NUBPL: variants seen among roughly 807,000 people sequenced by gnomAD.
The protein encoded by NUBPL is iron-sulfur cluster transfer protein NUBPL.
A neutral mutation model predicts 45.7 loss-of-function variants in NUBPL; 31 were observed. The observed-to-expected ratio is 0.68, with a 90% confidence interval of 0.51 to 0.92. NUBPL has a LOEUF of 0.92. NUBPL is among the 40% of genes least tolerant of loss of function. The pLI is 0.00. For missense variants in NUBPL, 401 were observed against 398.7 expected (o/e 1.01, Z -0.05); for synonymous variants, 144 against 140.9 (o/e 1.02, Z -0.15).
intron 10 of NUBPL, among the ~76,000 whole-genome samples, chr14:31,858,589 A>G (rs2040661693): frequency 6.6e-6 from 1 of 152,010 alleles, no homozygotes; most frequent in South Asian, 2.1e-4. Flanking sequence ...TGGAACTAGG[A>G]TTTTTTGCAT....
intron 7 of NUBPL, among the ~76,000 whole-genome samples, chr14:31,801,954 C>T (rs1378773968): frequency 6.6e-6 from 1 of 152,152 alleles, no homozygotes; most frequent in Non-Finnish European, 1.5e-5. Flanking sequence ...TTCATGGGCT[C>T]AAGAAAAGTT....
chr14:31,656,707 A>G (rs2036149402), intron 4 of NUBPL, among the ~76,000 whole-genome samples: 1 of 152,186 alleles, frequency 6.6e-6, no homozygotes, highest in African/African-American at 2.4e-5. Flanking sequence ...TACAGTAGTA[A>G]CATCAAATAT....
intron 4 of NUBPL, among the ~76,000 whole-genome samples, chr14:31,607,332 G>A (rs530218036): frequency 4.0e-4 from 61 of 151,570 alleles, no homozygotes; most frequent in East Asian, 7.8e-4. Flanking sequence ...GCAGTGAGCC[G>A]AGATCGTGCC....
intron 6 of NUBPL, among the ~76,000 whole-genome samples, chr14:31,702,859 A>G (rs1204482340): frequency 6.6e-6 from 1 of 152,228 alleles, no homozygotes. Flanking sequence ...CCATTCTCCT[A>G]AACCTAAACA....
At chr14:31,711,602 C>T (rs1391059617) in intron 6 of NUBPL, among the ~76,000 whole-genome samples, 2 of 152,072 alleles carry the variant, frequency 1.3e-5, no homozygotes, top group Non-Finnish European at 2.9e-5. Flanking sequence ...GCCGCAGACC[C>T]TCACGGTGAG....
chr14:31,675,778 G>C (rs1183635782), intron 6 of NUBPL, among the ~76,000 whole-genome samples: 1 of 152,054 alleles, frequency 6.6e-6, no homozygotes, highest in Non-Finnish European at 1.5e-5. Context: ...ATACTTTGTT[G>C]AGCTAAAATT....
At chr14:31,855,757 A>G (rs1389983172) in intron 10 of NUBPL, among the ~76,000 whole-genome samples, 1 of 152,170 alleles carries the variant, frequency 6.6e-6, no homozygotes, top group Non-Finnish European at 1.5e-5. Flanking sequence ...AAAGCACTTC[A>G]TCAAGTCAGG....
intron 6 of NUBPL, among the ~76,000 whole-genome samples, chr14:31,752,231 G>A (rs906392345): frequency 3.3e-5 from 5 of 152,116 alleles, no homozygotes; most frequent in African/African-American, 4.8e-5. Context: ...TTTCTTTTCT[G>A]TCACATCATC....
rs188186996 is a variant in NUBPL at position 31,748,104 on chromosome 14, A to G, written c.514-39676A>G. 1.2e-4 allele frequency among the ~76,000 whole-genome samples: 18 copies of G among 152,206 alleles called. 1 individual carries two copies. The East Asian group carries it at 3.5e-3, about 29-fold the overall frequency. On this transcript the variant is annotated intron_variant, in intron 6 of 10. Transcript: ENST00000281081. ...TGTTTAATTTCCCTGTATTTGTACT[A>G]TTTCCAAAGTTCCTCTTGGTATTGA...
chr14:31,711,219 G>A (rs1396945230), intron 6 of NUBPL, among the ~76,000 whole-genome samples: 3 of 152,034 alleles, frequency 2.0e-5, no homozygotes, highest in East Asian at 1.9e-4. Context: ...CCCTTGGCTC[G>A]GCCCAGAAGT....
intron 6 of NUBPL, among the ~76,000 whole-genome samples, chr14:31,705,336 G>A (rs559142588): frequency 2.6e-5 from 4 of 152,352 alleles, no homozygotes; most frequent in Admixed American, 6.5e-5. Context: ...CTTCCACAGC[G>A]TGGAAGGGGA....
At chr14:31,798,005 G>T (rs925014138) in intron 7 of NUBPL, among the ~76,000 whole-genome samples, 64 of 147,590 alleles carry the variant, frequency 4.3e-4, no homozygotes, top group Admixed American at 1.1e-3. Context: ...GCTTAGTTTG[G>T]CTGGATATGA....
At chr14:31,670,046 G>A (rs2036535757) in intron 4 of NUBPL, among the ~76,000 whole-genome samples, 1 of 152,030 alleles carries the variant, frequency 6.6e-6, no homozygotes, top group Non-Finnish European at 1.5e-5. Flanking sequence ...AGCTCTTTGA[G>A]GAATTGCCAT....
chr14:31,834,387 G>T (rs1218187642), intron 8 of NUBPL, among the ~76,000 whole-genome samples: 1 of 151,978 alleles, frequency 6.6e-6, no homozygotes, highest in Admixed American at 6.6e-5. Context: ...CACCGTGTTA[G>T]CCAGGATGGT....
intron 4 of NUBPL, among the ~76,000 whole-genome samples, chr14:31,651,220 C>T (rs1566476943): frequency 6.6e-6 from 1 of 152,044 alleles, no homozygotes; most frequent in Non-Finnish European, 1.5e-5. Context: ...GCAACCTCTG[C>T]CGCCTGGGTT....
At chr14:31,707,905 G>T (rs2037489976) in intron 6 of NUBPL, among the ~76,000 whole-genome samples, 1 of 152,192 alleles carries the variant, frequency 6.6e-6, no homozygotes, top group Non-Finnish European at 1.5e-5. Context: ...TGACCAAACA[G>T]ATGAGGGCTA....
intron 8 of NUBPL, among the ~76,000 whole-genome samples, chr14:31,832,256 G>A (rs2040204672): frequency 6.6e-6 from 1 of 152,168 alleles, no homozygotes; most frequent in Non-Finnish European, 1.5e-5. Context: ...GTAGGTGATA[G>A]GCAGTAAGGG....
At chr14:31,639,492 C>T (rs998048299) in intron 4 of NUBPL, among the ~76,000 whole-genome samples, 8 of 152,166 alleles carry the variant, frequency 5.3e-5, no homozygotes, top group Admixed American at 5.2e-4. Flanking sequence ...TCTGCCCCTA[C>T]TGGGGGGTGC....
intron 3 of NUBPL, among the ~76,000 whole-genome samples, chr14:31,595,905 A>ATT (rs34594633): frequency 4.0e-4 from 54 of 135,386 alleles, no homozygotes; most frequent in African/African-American, 8.8e-4. Flanking sequence ...ATGGACACTG[A>ATT]TTTTTTTTTT....
Sources: allele counts gnomAD v4.1 joint callset (sites outside exome capture counted in the v4.1 genomes callset), GRCh38; gene constraint gnomAD v4.1.1; transcripts MANE v1.5; gene names NCBI Gene and HGNC (gene_info 2026-07-23, HGNC 2026-07-21).